The following CSNK1G3 variants were observed in gnomAD, a reference collection of about 807,000 sequenced individuals.
The protein encoded by CSNK1G3 is casein kinase 1 gamma 3.
CSNK1G3 carries 23 observed loss-of-function variants against 64.3 expected under a neutral mutation model. That is an observed-to-expected ratio of 0.36 (90% confidence interval 0.26 to 0.51). The LOEUF is 0.51. Ranked by LOEUF, CSNK1G3 falls within the 20% of genes least tolerant of loss-of-function variation. The pLI, the probability that CSNK1G3 is intolerant of heterozygous loss-of-function variation, is 0.96. For synonymous variants in CSNK1G3, 158 were observed against 162.2 expected, an observed-to-expected ratio of 0.97 and a Z score of 0.20; for missense variants, 357 against 510.5, an observed-to-expected ratio of 0.70 and a Z score of 2.90.
At chr5:123,564,266 G>GT (rs1285860962) in intron 4 of CSNK1G3, among the ~76,000 whole-genome samples, 1 of 151,924 alleles carries the variant, frequency 6.6e-6, no homozygotes, top group African/African-American at 2.4e-5. Context: ...GGTTTATATG[G>GT]TGCAGGCATT....
At chr5:123,526,870 GTGTGTGTGTGTA>G (rs1472541012) in intron 1 of CSNK1G3, among the ~76,000 whole-genome samples, 89 of 127,872 alleles carry the variant, frequency 7.0e-4, no homozygotes, top group African/African-American at 1.9e-3. Flanking sequence ...GTGTGTGTGT[GTGTGTGTGTGTA>G]TGAACATAAT....
chr5:123,605,230 T>C (rs1171611991), intron 11 of CSNK1G3, 109 bp from the exon 13 acceptor site: 2 of 954,362 alleles, frequency 2.1e-6, no homozygotes, highest in East Asian at 5.1e-5. Context: ...CAACATTGCT[T>C]GGAAAAAATT....
At chr5:123,540,351 T>A (rs1781486643) in intron 1 of CSNK1G3, among the ~76,000 whole-genome samples, 1 of 152,146 alleles carries the variant, frequency 6.6e-6, no homozygotes, top group Non-Finnish European at 1.5e-5. Flanking sequence ...CCTATAAGTC[T>A]GTATTAGTGA....
intron 2 of CSNK1G3, among the ~76,000 whole-genome samples, chr5:123,549,263 C>G (rs1385406126): frequency 6.6e-6 from 1 of 152,162 alleles, no homozygotes. Flanking sequence ...CCAAACATAG[C>G]TAGCTAAAAT....
At chr5:123,609,274 G>T (rs1428539930) in intron 12 of CSNK1G3, among the ~76,000 whole-genome samples, 1 of 152,126 alleles carries the variant, frequency 6.6e-6, no homozygotes, top group Non-Finnish European at 1.5e-5. Context: ...TGATCCTTAG[G>T]AAAATTAATT....
At chr5:123,520,131 C>G (rs112306417) in intron 1 of CSNK1G3, among the ~76,000 whole-genome samples, 15 of 152,252 alleles carry the variant, frequency 9.9e-5, no homozygotes, top group African/African-American at 3.4e-4. Flanking sequence ...AATCTTAAAC[C>G]TAGCCTGCTT....
At chr5:123,520,976 A>G (rs1777996268) in intron 1 of CSNK1G3, among the ~76,000 whole-genome samples, 1 of 152,080 alleles carries the variant, frequency 6.6e-6, no homozygotes, top group South Asian at 2.1e-4. Flanking sequence ...GCAGGCAAAT[A>G]TATTAGGTAA....
intron 3 of CSNK1G3, among the ~76,000 whole-genome samples, chr5:123,557,240 C>T (rs185964069): frequency 6.6e-6 from 1 of 152,220 alleles, no homozygotes; most frequent in East Asian, 1.9e-4. Flanking sequence ...ATATTTTTCT[C>T]AGGGTCAAAG....
chr5:123,605,239 T>G, intron 11 of CSNK1G3, 100 bp from the exon 13 acceptor site: 1 of 1,074,012 alleles, frequency 9.3e-7, no homozygotes, highest in Admixed American at 2.6e-5. Context: ...TTGGAAAAAA[T>G]TAAGCATGAA....
chr5:123,608,046 C>G (rs1795663809), intron 12 of CSNK1G3, among the ~76,000 whole-genome samples: 1 of 152,116 alleles, frequency 6.6e-6, no homozygotes, highest in Non-Finnish European at 1.5e-5. Flanking sequence ...TTTCCTGCCC[C>G]AGCCCCCCCA....
chr5:123,595,201 C>A, intron 10 of CSNK1G3, 67 bp downstream of exon 11: 3 of 1,354,974 alleles, frequency 2.2e-6, no homozygotes, highest in Non-Finnish European at 3.1e-6. Context: ...TTTTTTGGAA[C>A]TCATGGCATG....
At chr5:123,516,699 T>C (rs1359898345) in intron 1 of CSNK1G3, among the ~76,000 whole-genome samples, 1 of 152,222 alleles carries the variant, frequency 6.6e-6, no homozygotes, top group East Asian at 1.9e-4. Context: ...ATAGTTGTAA[T>C]TTATTGAAAA....
intron 10 of CSNK1G3, among the ~76,000 whole-genome samples, chr5:123,597,672 C>T (rs1793685433): frequency 6.7e-6 from 1 of 150,010 alleles, no homozygotes; most frequent in Admixed American, 6.7e-5. Context: ...AACTCCCTGC[C>T]TTTCCAGAAT....
intron 12 of CSNK1G3, among the ~76,000 whole-genome samples, chr5:123,608,426 T>G (rs1795739083): frequency 6.6e-6 from 1 of 152,160 alleles, no homozygotes; most frequent in Non-Finnish European, 1.5e-5. Flanking sequence ...TTACTGTAGC[T>G]GAGAATTTTA....
At chr5:123,552,127 A>C (rs1783787394) in intron 2 of CSNK1G3, among the ~76,000 whole-genome samples, 1 of 150,284 alleles carries the variant, frequency 6.7e-6, no homozygotes, top group South Asian at 2.1e-4. Context: ...ATGTAATCAA[A>C]TCTGTATAAA....
At chr5:123,574,572 C>A (rs563306945) in intron 5 of CSNK1G3, among the ~76,000 whole-genome samples, 2 of 152,044 alleles carry the variant, frequency 1.3e-5, no homozygotes, top group South Asian at 4.2e-4. Context: ...GTAATCCCAG[C>A]ACTTTGGGGA....
chr5:123,536,043 T>C (rs146831476), intron 1 of CSNK1G3, among the ~76,000 whole-genome samples: 32 of 152,280 alleles, frequency 2.1e-4, no homozygotes, highest in Non-Finnish European at 4.0e-4. Context: ...TTTATGTGCT[T>C]TTAAATGCTT....
At chr5:123,576,063 G>A in intron 6 of CSNK1G3, 100 bp downstream of exon 6, 3 of 648,152 alleles carry the variant, frequency 4.6e-6, no homozygotes, top group Non-Finnish European at 7.9e-6. Flanking sequence ...GATTATAATA[G>A]CTTTTATTAT....
At chr5:123,547,860 A>C (rs1422262844) in intron 2 of CSNK1G3, among the ~76,000 whole-genome samples, 2 of 152,110 alleles carry the variant, frequency 1.3e-5, no homozygotes, top group South Asian at 2.1e-4. Flanking sequence ...AAAAAGCCTC[A>C]GATGGTTTCT....
Sources: gnomAD v4.1 joint callset for allele counts (sites outside exome capture counted in the v4.1 genomes callset) on GRCh38, gnomAD v4.1.1 for gene constraint, MANE v1.5 for transcripts, NCBI Gene and HGNC (gene_info 2026-07-23, HGNC 2026-07-21) for gene names.